The following AGBL1 variants were observed in gnomAD, a reference collection of about 807,000 sequenced individuals.
AGBL1 encodes AGBL carboxypeptidase 1.
In AGBL1, 130 loss-of-function variants were observed where a neutral mutation model predicts 118.9. The ratio of observed to expected loss-of-function variants is 1.09; its 90% CI spans 0.95 to 1.26. The LOEUF (loss-of-function observed/expected upper bound fraction) is 1.26, where lower values mean the gene tolerates loss of function less well. Among genes scored for constraint, AGBL1 ranks in the 50% most tolerant of loss-of-function variants. The pLI, the probability that AGBL1 is intolerant of heterozygous loss-of-function variation, is 0.00. For synonymous variants in AGBL1, 555 were observed against 478.9 expected, an observed-to-expected ratio of 1.16 and a Z score of -2.08; for missense variants, 1,584 against 1,298.1, an observed-to-expected ratio of 1.22 and a Z score of -3.38.
At chr15:86,219,898 A>C (rs1345571641) in intron 5 of AGBL1, among the ~76,000 whole-genome samples, 1 of 151,090 alleles carries the variant, frequency 6.6e-6, no homozygotes, top group African/African-American at 2.4e-5. Context: ...CTTTAGGATC[A>C]CTAGATTTAA....
At chr15:86,664,904 G>A (rs76287098) in intron 21 of AGBL1, among the ~76,000 whole-genome samples, 10,227 of 151,926 alleles carry the variant, frequency 0.067, 464 homozygotes, top group South Asian at 0.089. Context: ...ATGCATTGCT[G>A]AAGGAAAGAA....
intron 22 of AGBL1, among the ~76,000 whole-genome samples, chr15:86,779,005 A>G (rs2078296036): frequency 6.6e-6 from 1 of 152,222 alleles, no homozygotes; most frequent in Non-Finnish European, 1.5e-5. Context: ...CCATGGCTTC[A>G]GCCGGTCCCT....
intron 22 of AGBL1, among the ~76,000 whole-genome samples, chr15:86,818,389 C>A (rs1440332875): frequency 3.9e-5 from 6 of 152,170 alleles, no homozygotes; most frequent in Non-Finnish European, 7.3e-5. Context: ...CATAGGAGTG[C>A]AAACCCTATT....
chr15:86,223,304 G>A (rs190807624), intron 5 of AGBL1, among the ~76,000 whole-genome samples: 61 of 152,240 alleles, frequency 4.0e-4, no homozygotes, highest in Non-Finnish European at 7.2e-4. Context: ...TGGGTTAGGC[G>A]CCTTGCTTGG....
intron 24 of AGBL1, among the ~76,000 whole-genome samples, chr15:86,991,823 C>T (rs1471357067): frequency 6.6e-6 from 1 of 152,158 alleles, no homozygotes; most frequent in Non-Finnish European, 1.5e-5. Flanking sequence ...ATCTCAATCT[C>T]AGCTTTACTT....
intron 23 of AGBL1, among the ~76,000 whole-genome samples, chr15:86,934,252 C>T (rs1396227106): frequency 6.6e-6 from 1 of 152,152 alleles, no homozygotes; most frequent in South Asian, 2.1e-4. Context: ...ACCCAATGTT[C>T]CCAGTGGCAA....
chr15:86,792,681 C>T (rs567010343), intron 22 of AGBL1, among the ~76,000 whole-genome samples: 72 of 152,198 alleles, frequency 4.7e-4, no homozygotes, highest in Admixed American at 8.5e-4. Context: ...GTGGCTCATT[C>T]CTGTAATTCC....
In AGBL1 at chr15:86,748,219, C is replaced by T. The variant is rs565604428; in HGVS notation, c.3158+73783C>T. ...CATTGTGATTTTGATTTGCATTTCTCTGATGGCCAGTGATGATGAGCATTT... is the reference window on the plus strand; with the variant it reads ...CATTGTGATTTTGATTTGCATTTCTTTGATGGCCAGTGATGATGAGCATTT... On this transcript the variant is annotated intron_variant, in intron 22 of 22. Transcript: ENST00000614907. Among the ~76,000 whole-genome samples, 34 of 152,284 alleles carry T rather than the reference C, an allele frequency of 2.2e-4. No individual in the cohort carries two copies. The South Asian group carries it at 6.8e-3, about 31-fold the overall frequency.
chr15:86,389,673 A>T (rs925841224), intron 17 of AGBL1, among the ~76,000 whole-genome samples: 1 of 152,198 alleles, frequency 6.6e-6, no homozygotes, highest in Non-Finnish European at 1.5e-5. Context: ...GGATTTTAGG[A>T]TATGTAGTGG....
chr15:86,494,966 C>T (rs2082829025), intron 18 of AGBL1, among the ~76,000 whole-genome samples: 1 of 151,156 alleles, frequency 6.6e-6, no homozygotes, highest in East Asian at 2.0e-4. Context: ...AAATAAATAA[C>T]ATATTGTAGA....
At chr15:86,498,324 A>G (rs2082878230) in intron 18 of AGBL1, among the ~76,000 whole-genome samples, 1 of 151,956 alleles carries the variant, frequency 6.6e-6, no homozygotes. Flanking sequence ...ATGTCTTAGT[A>G]CCATGACAGG....
intron 9 of AGBL1, among the ~76,000 whole-genome samples, chr15:86,262,247 G>A (rs920724153): frequency 9.2e-5 from 14 of 151,522 alleles, no homozygotes; most frequent in African/African-American, 3.4e-4. Context: ...TTATTCATTT[G>A]TTTACTTTCT....
At position 86,745,394 on chromosome 15, in the gene AGBL1, G is replaced by A. The variant is rs8030321; in HGVS notation, c.3158+70958G>A. 5.6e-3 allele frequency among the ~76,000 whole-genome samples: 851 copies of A among 152,036 alleles called. 4 individuals are homozygous for A. The highest frequency in any genetic ancestry group is 0.019 in the African/African-American group (808 of 41,496). ...TAAGTGAAACATTATATTGAGGGCC[G>A]TCTGACCCCCAAAGTCCGTTGTTTT... On this transcript the variant is annotated intron_variant, in intron 22 of 22. Transcript: ENST00000614907.
In AGBL1 at chr15:86,154,488, G is replaced by C; in HGVS notation, c.321G>C (p.Leu107=). The change falls in exon 4 of 23, where the codon CTG becomes CTC. Residue 107 remains leucine (L), a synonymous_variant. Coordinates refer to ENST00000614907, the MANE Select transcript of AGBL1 (RefSeq NM_001386094.1). ...AAGCACTTGATGTGACATTGATTCT[G>C]GCCAGGAAGAACCTATCCCATGGCC... ...ELEALDVTLI[L]ARKNLSHGQN... 6.2e-7 allele frequency: 1 copy of C among 1,613,070 alleles called. No individual in the cohort carries two copies. Among genetic ancestry groups the C allele is most frequent in the Non-Finnish European group, 8.5e-7 (1 of 1,179,546 alleles).
chr15:86,467,715 G>A (rs1466607135), intron 18 of AGBL1, among the ~76,000 whole-genome samples: 1 of 152,124 alleles, frequency 6.6e-6, no homozygotes, highest in Admixed American at 6.5e-5. Flanking sequence ...GGCTTCCCTT[G>A]GCTAGGTAGG....
Position 86,735,006 on chromosome 15 carries a change from ATACCTTG to A in AGBL1, c.3158+60571_3158+60577del, listed in dbSNP as rs1465076992. Among the ~76,000 whole-genome samples the A allele has an allele frequency of 7.2e-3, 1,102 of 152,074 alleles. 5 individuals are homozygous for A. Among genetic ancestry groups the A allele is most frequent in the African/African-American group, 0.023 (936 of 41,444 alleles). The stretch of plus-strand genomic sequence containing the variant: ...CAGTTTTCTATTTTCTTTTGTGCTC[ATACCTTG>A]ATATGTTCATAGGCATCATACTCAG... On this transcript the variant is annotated intron_variant, in intron 22 of 22. Transcript: ENST00000614907.
chr15:86,566,135 C>T (rs2083910098), intron 21 of AGBL1, among the ~76,000 whole-genome samples: 1 of 145,188 alleles, frequency 6.9e-6, no homozygotes, highest in South Asian at 2.1e-4. Flanking sequence ...CACTCACTGT[C>T]CTGCACCCAC....
chr15:86,251,099 A>G (rs963520601), intron 7 of AGBL1, among the ~76,000 whole-genome samples: 6 of 152,228 alleles, frequency 3.9e-5, no homozygotes, highest in African/African-American at 1.4e-4. Context: ...CAATTTATGC[A>G]GACTCTCCAA....
At chr15:86,663,748 A>G (rs1351914883) in intron 21 of AGBL1, among the ~76,000 whole-genome samples, 3 of 152,174 alleles carry the variant, frequency 2.0e-5, no homozygotes, top group Non-Finnish European at 4.4e-5. Context: ...TGAAGTATAA[A>G]GCCTCTGTTG....
Sources: allele counts gnomAD v4.1 joint callset (sites outside exome capture counted in the v4.1 genomes callset), GRCh38; gene constraint gnomAD v4.1.1; transcripts MANE v1.5; gene names NCBI Gene and HGNC (gene_info 2026-07-23, HGNC 2026-07-21).